CDH13: variants seen among roughly 807,000 people sequenced by gnomAD.
The protein encoded by CDH13 is cadherin-13.
In CDH13, 24 loss-of-function variants were observed where a neutral mutation model predicts 63.8. That is an observed-to-expected ratio of 0.38 (90% CI 0.27 to 0.53). CDH13 has a LOEUF of 0.53. Among genes scored for constraint, CDH13 ranks in the 20% least tolerant of loss-of-function variants. The pLI, the probability that CDH13 is intolerant of heterozygous loss-of-function variation, is 0.85. For synonymous variants in CDH13, 503 were observed against 355.3 expected, an observed-to-expected ratio of 1.42 and a Z score of -4.67; for missense variants, 1,049 against 903.1, an observed-to-expected ratio of 1.16 and a Z score of -2.07.
chr16:82,847,004 A>C (rs2151144198), intron 1 of CDH13, among the ~76,000 whole-genome samples: 1 of 152,300 alleles, frequency 6.6e-6, no homozygotes, highest in Middle Eastern at 3.4e-3. Context: ...AGCCTTGTCA[A>C]AGCATTCCAA....
chr16:83,110,559 T>C (rs940333018), intron 3 of CDH13, among the ~76,000 whole-genome samples: 1 of 152,188 alleles, frequency 6.6e-6, no homozygotes, highest in African/African-American at 2.4e-5. Context: ...ACATGCTCAG[T>C]CACCGATCAT....
At chr16:83,676,612 C>T (rs1467276679) in intron 9 of CDH13, among the ~76,000 whole-genome samples, 5 of 152,158 alleles carry the variant, frequency 3.3e-5, no homozygotes, top group Non-Finnish European at 7.3e-5. Context: ...AGGATTGAAC[C>T]GACACATCAC....
chr16:82,674,482 A>T (rs984168432), intron 1 of CDH13, among the ~76,000 whole-genome samples: 11 of 152,238 alleles, frequency 7.2e-5, no homozygotes, highest in African/African-American at 2.2e-4. Context: ...TCTCCATGAT[A>T]TCAAACTGAA....
chr16:83,560,984 A>G (rs1296524173), intron 7 of CDH13, among the ~76,000 whole-genome samples: 1 of 152,162 alleles, frequency 6.6e-6, no homozygotes, highest in African/African-American at 2.4e-5. Flanking sequence ...ACAAGTAAGA[A>G]GTATGATCAC....
chr16:83,662,526 G>A (rs904720548), intron 8 of CDH13, among the ~76,000 whole-genome samples: 3 of 152,314 alleles, frequency 2.0e-5, no homozygotes, highest in Admixed American at 6.5e-5. Context: ...GCTCCAAACA[G>A]TGCAGAATCG....
At chr16:83,029,651 C>T (rs1916124319) in intron 2 of CDH13, among the ~76,000 whole-genome samples, 1 of 152,112 alleles carries the variant, frequency 6.6e-6, no homozygotes, top group Admixed American at 6.5e-5. Context: ...CATTAGATGC[C>T]ATGCAAATGC....
chr16:83,286,645 A>G (rs148375312), intron 5 of CDH13, among the ~76,000 whole-genome samples: 1 of 151,846 alleles, frequency 6.6e-6, no homozygotes, highest in Non-Finnish European at 1.5e-5. Context: ...AGTCCCAGCT[A>G]CTTGGGGGGC....
chr16:82,849,758 C>G (rs1360252204), intron 1 of CDH13, among the ~76,000 whole-genome samples: 1 of 152,202 alleles, frequency 6.6e-6, no homozygotes, highest in Non-Finnish European at 1.5e-5. Flanking sequence ...TAAGTTGAAG[C>G]CAATGCTTAT....
intron 6 of CDH13, among the ~76,000 whole-genome samples, chr16:83,351,036 T>C (rs566798682): frequency 6.6e-6 from 1 of 152,320 alleles, no homozygotes; most frequent in African/African-American, 2.4e-5. Flanking sequence ...GCTGGGATAG[T>C]TGATAGTTGA....
At chr16:82,660,882 C>A (rs2150924700) in intron 1 of CDH13, among the ~76,000 whole-genome samples, 1 of 152,090 alleles carries the variant, frequency 6.6e-6, no homozygotes, top group Non-Finnish European at 1.5e-5. Context: ...ATGTAAAGAG[C>A]CTTTTGAAGT....
intron 2 of CDH13, among the ~76,000 whole-genome samples, chr16:82,873,172 G>A (rs1176726920): frequency 1.3e-5 from 2 of 152,134 alleles, no homozygotes; most frequent in African/African-American, 2.4e-5. Flanking sequence ...TTAGGCTGAG[G>A]GAGTAACTCA....
At chr16:82,758,376 T>C (rs1324668063) in intron 1 of CDH13, among the ~76,000 whole-genome samples, 1 of 152,120 alleles carries the variant, frequency 6.6e-6, no homozygotes, top group African/African-American at 2.4e-5. Flanking sequence ...AGGTCCTAAC[T>C]TTAGTGATTG....
chr16:83,621,739 G>A (rs1310641911), intron 8 of CDH13, among the ~76,000 whole-genome samples: 6 of 151,002 alleles, frequency 4.0e-5, no homozygotes, highest in Admixed American at 6.6e-5. Flanking sequence ...CACCCGCCTC[G>A]GCCTCCCAAA....
intron 1 of CDH13, among the ~76,000 whole-genome samples, chr16:82,828,364 T>C (rs768688181): frequency 2.2e-4 from 34 of 152,246 alleles, no homozygotes; most frequent in Admixed American, 1.3e-3. Flanking sequence ...ACGCCTGTAA[T>C]CCCAAGACTT....
At chr16:82,999,260 TC>T (rs1912597542) in intron 2 of CDH13, among the ~76,000 whole-genome samples, 1 of 152,112 alleles carries the variant, frequency 6.6e-6, no homozygotes, top group Non-Finnish European at 1.5e-5. Context: ...TTTTCCCCCC[TC>T]CTTTGTCAGT....
intron 1 of CDH13, among the ~76,000 whole-genome samples, chr16:82,665,967 G>A (rs763705928): frequency 1.1e-4 from 16 of 152,102 alleles, no homozygotes; most frequent in Admixed American, 7.2e-4. Context: ...AATGGAGTAA[G>A]TATTTCTTTT....
At chr16:83,020,089 G>A (rs934590317) in intron 2 of CDH13, among the ~76,000 whole-genome samples, 1 of 152,070 alleles carries the variant, frequency 6.6e-6, no homozygotes. Context: ...TCATCTTACG[G>A]GATTGCTATC....
intron 10 of CDH13, among the ~76,000 whole-genome samples, chr16:83,680,492 G>A (rs1915317498): frequency 6.6e-6 from 1 of 152,142 alleles, no homozygotes; most frequent in Non-Finnish European, 1.5e-5. Context: ...GGGAGGGAGG[G>A]GTGCCTGGGA....
chr16:83,495,634 C>G (rs1417204657), intron 7 of CDH13, among the ~76,000 whole-genome samples: 1 of 152,104 alleles, frequency 6.6e-6, no homozygotes, highest in Non-Finnish European at 1.5e-5. Flanking sequence ...GGCAAAGAAA[C>G]ATATTTGGGG....
Sources: allele counts gnomAD v4.1 joint callset (sites outside exome capture counted in the v4.1 genomes callset), GRCh38; gene constraint gnomAD v4.1.1; transcripts MANE v1.5; gene names NCBI Gene and HGNC (gene_info 2026-07-23, HGNC 2026-07-21).